The following ZCCHC7 variants were observed in gnomAD, a reference collection of about 807,000 sequenced individuals.
ZCCHC7 encodes the protein zinc finger CCHC domain-containing protein 7.
Under a neutral mutation model 52.0 loss-of-function variants are expected in ZCCHC7, and 35 were observed. The ratio of observed to expected loss-of-function variants is 0.67; its 90% CI spans 0.51 to 0.89. The LOEUF is 0.89. ZCCHC7 is among the 40% of genes least tolerant of loss of function. The probability of loss-of-function intolerance (pLI) is 0.00; values close to 1 mark genes in which losing one functional copy is unlikely to be tolerated. For missense variants in ZCCHC7, 574 were observed against 649.1 expected (o/e 0.88, Z 1.26); for synonymous variants, 217 against 221.5 (o/e 0.98, Z 0.18).
At chr9:37,211,753 G>A (rs1018942183) in intron 2 of ZCCHC7, among the ~76,000 whole-genome samples, 1 of 152,136 alleles carries the variant, frequency 6.6e-6, no homozygotes, top group African/African-American at 2.4e-5. Context: ...CTAGGGCCGG[G>A]CGCGGTGGCT....
chr9:37,289,582 T>G (rs1424642728), intron 2 of ZCCHC7, among the ~76,000 whole-genome samples: 1 of 152,242 alleles, frequency 6.6e-6, no homozygotes, highest in Admixed American at 6.5e-5. Context: ...TGGACTGAAT[T>G]ATTGCAGTAA....
intron 6 of ZCCHC7, among the ~76,000 whole-genome samples, chr9:37,329,730 A>G (rs1404397995): frequency 4.6e-5 from 7 of 151,902 alleles, no homozygotes; most frequent in Non-Finnish European, 1.0e-4. Flanking sequence ...AACAAGATGC[A>G]TGATGATTTT....
chr9:37,129,291 G>C (rs1022842011), intron 2 of ZCCHC7, among the ~76,000 whole-genome samples: 2 of 152,236 alleles, frequency 1.3e-5, no homozygotes, highest in African/African-American at 2.4e-5. Flanking sequence ...ATGGTGATGA[G>C]AAAGTAGAGA....
At chr9:37,329,711 T>A (rs929466434) in intron 6 of ZCCHC7, among the ~76,000 whole-genome samples, 1 of 151,916 alleles carries the variant, frequency 6.6e-6, no homozygotes, top group Non-Finnish European at 1.5e-5. Flanking sequence ...ATATTCAGTC[T>A]TGAATAAAAA....
intron 2 of ZCCHC7, among the ~76,000 whole-genome samples, chr9:37,262,496 T>C (rs1826914351): frequency 1.3e-5 from 2 of 152,200 alleles, no homozygotes. Context: ...CAGTATCTTC[T>C]TTATTAGTTG....
chr9:37,288,297 T>C (rs1247412760), intron 2 of ZCCHC7, among the ~76,000 whole-genome samples: 1 of 149,636 alleles, frequency 6.7e-6, no homozygotes, highest in Non-Finnish European at 1.5e-5. Flanking sequence ...AAAAAAAATC[T>C]ATCTATCTAT....
intron 5 of ZCCHC7, among the ~76,000 whole-genome samples, chr9:37,314,480 A>G (rs972206403): frequency 3.9e-5 from 6 of 152,196 alleles, no homozygotes; most frequent in Non-Finnish European, 8.8e-5. Flanking sequence ...CTTGAATTTT[A>G]CTATTAAATC....
chr9:37,195,942 A>T (rs1392177810), intron 2 of ZCCHC7, among the ~76,000 whole-genome samples: 1 of 152,194 alleles, frequency 6.6e-6, no homozygotes, highest in South Asian at 2.1e-4. Context: ...TGATTTTTTA[A>T]AATAATTCAA....
intron 6 of ZCCHC7, among the ~76,000 whole-genome samples, chr9:37,328,464 G>A (rs1830334471): frequency 6.6e-6 from 1 of 151,880 alleles, no homozygotes; most frequent in Admixed American, 6.6e-5. Flanking sequence ...ATATTATGAA[G>A]TTAGTTTACT....
At chr9:37,225,924 G>A (rs982998266) in intron 2 of ZCCHC7, among the ~76,000 whole-genome samples, 3 of 152,210 alleles carry the variant, frequency 2.0e-5, no homozygotes, top group Non-Finnish European at 4.4e-5. Context: ...GAAGTCAATT[G>A]TCTGGAAGTC....
At chr9:37,205,571 C>T (rs1315671859) in intron 2 of ZCCHC7, among the ~76,000 whole-genome samples, 1 of 152,232 alleles carries the variant, frequency 6.6e-6, no homozygotes, top group Non-Finnish European at 1.5e-5. Flanking sequence ...GGTTGCAATG[C>T]AGAGGCACAA....
At chr9:37,278,024 G>T (rs1326428167) in intron 2 of ZCCHC7, among the ~76,000 whole-genome samples, 1 of 84,752 alleles carries the variant, frequency 1.2e-5, no homozygotes. Context: ...TTGTGTGTGT[G>T]TGTGTGTGTG....
intron 2 of ZCCHC7, among the ~76,000 whole-genome samples, chr9:37,207,963 T>C (rs979479033): frequency 6.6e-6 from 1 of 152,222 alleles, no homozygotes; most frequent in African/African-American, 2.4e-5. Context: ...TTTAAGTTTT[T>C]GTTAAGTAAA....
intron 2 of ZCCHC7, among the ~76,000 whole-genome samples, chr9:37,138,887 A>G (rs1843104932): frequency 6.6e-6 from 1 of 151,994 alleles, no homozygotes; most frequent in South Asian, 2.1e-4. Context: ...GAAGATAAGT[A>G]TGATTTATAT....
chr9:37,191,197 A>G (rs1823003466), intron 2 of ZCCHC7, among the ~76,000 whole-genome samples: 2 of 152,144 alleles, frequency 1.3e-5, no homozygotes, highest in South Asian at 4.1e-4. Flanking sequence ...ATTTTTGCCT[A>G]TGGAAAAAGT....
chr9:37,139,553 A>G (rs767184967), intron 2 of ZCCHC7, among the ~76,000 whole-genome samples: 2 of 152,048 alleles, frequency 1.3e-5, no homozygotes, highest in Non-Finnish European at 2.9e-5. Flanking sequence ...TTATTTCTAT[A>G]ACAAATTCTT....
intron 2 of ZCCHC7, among the ~76,000 whole-genome samples, chr9:37,277,970 C>G (rs911484422): frequency 2.0e-5 from 3 of 151,472 alleles, no homozygotes; most frequent in Middle Eastern, 3.4e-3. Context: ...ATGGGATGAC[C>G]CAGATATAGT....
At chr9:37,207,301 CTG>C (rs769302996) in intron 2 of ZCCHC7, among the ~76,000 whole-genome samples, 2 of 152,176 alleles carry the variant, frequency 1.3e-5, no homozygotes, top group East Asian at 3.9e-4. Flanking sequence ...TGTATTTCTA[CTG>C]TGTTCTGGCA....
chr9:37,136,067 G>A (rs563265342), intron 2 of ZCCHC7, among the ~76,000 whole-genome samples: 1 of 152,048 alleles, frequency 6.6e-6, no homozygotes, highest in African/African-American at 2.4e-5. Flanking sequence ...TTTCCTGTGT[G>A]GATTAGTTTC....
Sources: gnomAD v4.1 joint callset for allele counts (sites outside exome capture counted in the v4.1 genomes callset) on GRCh38, gnomAD v4.1.1 for gene constraint, MANE v1.5 for transcripts, NCBI Gene and HGNC (gene_info 2026-07-23, HGNC 2026-07-21) for gene names.